Variants in SRRM3 observed in about 807,000 individuals in gnomAD.
SRRM3 encodes serine/arginine repetitive matrix 3.
In SRRM3, 27 loss-of-function variants were observed where a neutral mutation model predicts 66.2. The ratio of observed to expected loss-of-function variants is 0.41; its 90% CI spans 0.30 to 0.56. The LOEUF (loss-of-function observed/expected upper bound fraction) is 0.56. Ranked by LOEUF, SRRM3 falls within the 20% of genes least tolerant of loss-of-function variation. The pLI is 0.32. For missense variants in SRRM3, 918 were observed against 991.9 expected (o/e 0.93, Z 1.00); for synonymous variants, 391 against 414.9 (o/e 0.94, Z 0.70).
intron 2 of SRRM3, among the ~76,000 whole-genome samples, chr7:76,236,326 AAAAG>A (rs1356004313): frequency 2.7e-5 from 4 of 148,080 alleles, no homozygotes; most frequent in Admixed American, 6.7e-5. Context: ...AAAAAAAAAG[AAAAG>A]AAAGAAAGAA....
In SRRM3 at chr7:76,267,354, G is replaced by T; in HGVS notation, c.927G>T (p.Gly309=). ...CCCCGTCGGGCGGCAGCGGATGGGGGTCGCCCCAGCGGAACGGCGGCAGCG... is the reference window on the plus strand; with the variant it reads ...CCCCGTCGGGCGGCAGCGGATGGGGTTCGCCCCAGCGGAACGGCGGCAGCG... ...SPSPSGGSGW[G]SPQRNGGSGQ... is the part of the protein sequence containing the mutation. The change falls in exon 11 of 15, where the codon GGG becomes GGT. Residue 309 remains glycine, a synonymous_variant. Coordinates refer to ENST00000611745, the MANE Select transcript of SRRM3 (RefSeq NM_001110199.3). 2 of 1,506,026 alleles carry T rather than the reference G, an allele frequency of 1.3e-6. No homozygotes were observed. The highest frequency in any genetic ancestry group is 2.5e-5 in the South Asian group (2 of 79,250). The allele number at this position is 1,506,026 out of a possible 1,614,324, so 93.3% of individuals were successfully genotyped here.
intron 3 of SRRM3, among the ~76,000 whole-genome samples, chr7:76,250,480 C>T (rs1027936681): frequency 6.6e-6 from 1 of 152,118 alleles, no homozygotes; most frequent in African/African-American, 2.4e-5. Flanking sequence ...GTGACCCACC[C>T]GCCTCGGCCT....
rs1392042079 is a variant in SRRM3, at chr7:76,282,730, G to A, written c.1453G>A (p.Gly485Arg). 1.4e-6 allele frequency: 2 copies of A among 1,453,852 alleles called. No homozygotes were observed. The highest frequency in any genetic ancestry group is 6.2e-5 in the East Asian group (2 of 32,470). The allele number at this position is 1,453,852 out of a possible 1,614,324, so 90.1% of individuals were successfully genotyped here. The change falls in exon 13 of 15, where the codon GGG (glycine) becomes AGG (arginine). Residue 485 changes from glycine to arginine, a missense_variant. By Grantham distance (125) the Gly-to-Arg change is moderately radical. Coordinates refer to ENST00000611745, the MANE Select transcript of SRRM3 (RefSeq NM_001110199.3). ...GAHGRRGGPE[G>R]KSSSRSPGPH... ...GCACGGCCGGCGCGGCGGCCCAGAAGGGAAGAGCTCGTCGCGCAGCCCCGG... is the reference window on the plus strand; with the variant it reads ...GCACGGCCGGCGCGGCGGCCCAGAAAGGAAGAGCTCGTCGCGCAGCCCCGG...
intron 6 of SRRM3, 71 bp downstream of exon 6, chr7:76,260,974 C>T: frequency 1.3e-6 from 2 of 1,491,102 alleles, no homozygotes; most frequent in Non-Finnish European, 1.8e-6. Flanking sequence ...CCAAGGCCAT[C>T]CCCCAGAGGC....
chr7:76,233,086 T>C (rs781923942), intron 1 of SRRM3, among the ~76,000 whole-genome samples: 16 of 152,078 alleles, frequency 1.1e-4, no homozygotes, highest in Non-Finnish European at 2.1e-4. Context: ...AAGGATTGTT[T>C]GAAGCCAGGA....
rs115771619 is a variant in SRRM3 at position 76,237,953 on chromosome 7, G to A, written c.233+2654G>A. Among the ~76,000 whole-genome samples, 622 of 152,066 alleles carry A rather than the reference G, an allele frequency of 4.1e-3. 3 individuals carry two copies. The highest frequency in any genetic ancestry group is 0.014 in the African/African-American group (591 of 41,478). On this transcript the variant is annotated intron_variant, in intron 2 of 14. Transcript: ENST00000611745. ...CAGCATCAAGGATCCTTGCTTCCCT[G>A]GGAAGCACCCACTATGTCCCCACTT... is the stretch of plus-strand genomic sequence containing the variant.
intron 1 of SRRM3, among the ~76,000 whole-genome samples, chr7:76,230,301 C>G (rs555149113): frequency 6.6e-6 from 1 of 152,068 alleles, no homozygotes; most frequent in East Asian, 1.9e-4. Flanking sequence ...AATCAATCAA[C>G]CAATTACAAC....
chr7:76,265,851 TATATA>T (rs1356544795), intron 10 of SRRM3, among the ~76,000 whole-genome samples: 527 of 12,984 alleles, frequency 0.041, 37 homozygotes, highest in Non-Finnish European at 0.045. Flanking sequence ...TATATATATA[TATATA>T]TATTTTTTTT....
At position 76,267,282 on chromosome 7, in the gene SRRM3, A is replaced by T; in HGVS notation, c.855A>T (p.Glu285Asp). 1 of 1,555,222 alleles carries T rather than the reference A, an allele frequency of 6.4e-7. No homozygotes were observed. The highest frequency in any genetic ancestry group is 8.6e-7 in the Non-Finnish European group (1 of 1,156,762). ...PSRLSPKHRD[E>D]GRKTGSQRSS... ...GGCTGAGCCCCAAGCACCGAGACGA[A>T]GGGCGAAAGACGGGCAGCCAGCGGT... Residue 285 changes from glutamate to aspartate, a missense_variant, in exon 11 of 15, where the codon GAA becomes GAT. Transcript: ENST00000611745.
intron 8 of SRRM3, among the ~76,000 whole-genome samples, chr7:76,262,653 T>C (rs782092223): frequency 1.3e-5 from 2 of 151,626 alleles, no homozygotes; most frequent in Non-Finnish European, 2.9e-5. Context: ...CAGTCTCTAC[T>C]GAAAATACAA....
chr7:76,213,618 G>A (rs1800489666), intron 1 of SRRM3, among the ~76,000 whole-genome samples: 1 of 152,164 alleles, frequency 6.6e-6, no homozygotes, highest in Non-Finnish European at 1.5e-5. Flanking sequence ...GGAGGTACTC[G>A]GTTTCCTCAT....
chr7:76,259,958 G>A lies in SRRM3; in HGVS notation c.388G>A (p.Ala130Thr), dbSNP rs1554608294. The change falls in exon 4 of 15, where the codon GCG (alanine) becomes ACG (threonine). Residue 130 changes from alanine to threonine, a missense_variant. By Grantham distance (58) the Ala-to-Thr change is moderately conservative. Transcript: ENST00000611745. ...TEGAEPGLEY[A>T]PFDDDDGPVD... ...GGGCGCTGAGCCGGGCCTGGAGTAC[G>A]CGCCCTTTGACGATGACGACGGCCC... 8 of 1,601,630 alleles carry A rather than the reference G, an allele frequency of 5.0e-6. No individual in the cohort carries two copies. Among genetic ancestry groups the A allele is most frequent in the Non-Finnish European group, 5.9e-6 (7 of 1,179,372 alleles).
At chr7:76,277,746 G>GAAAAAAAGAAAAAAGAAAA (rs59619771) in intron 11 of SRRM3, among the ~76,000 whole-genome samples, 1 of 106,770 alleles carries the variant, frequency 9.4e-6, no homozygotes, top group African/African-American at 3.7e-5. Flanking sequence ...GAGAGAGAGA[G>GAAAAAAAGAAAAAAGAAAA]AAAGAAAGAA....
intron 11 of SRRM3, among the ~76,000 whole-genome samples, chr7:76,274,319 G>A (rs1224716526): frequency 1.3e-5 from 2 of 152,214 alleles, no homozygotes; most frequent in African/African-American, 4.8e-5. Context: ...GGGAGCTGCA[G>A]GGCTCTGGAG....
intron 11 of SRRM3, chr7:76,273,232 C>T (rs1272997552): frequency 6.6e-6 from 1 of 152,316 alleles, no homozygotes; most frequent in East Asian, 1.9e-4. Context: ...CTTTCCATCC[C>T]TCTCCCCCGG....
At chr7:76,205,240 C>T (rs1800266188) in intron 1 of SRRM3, among the ~76,000 whole-genome samples, 1 of 152,156 alleles carries the variant, frequency 6.6e-6, no homozygotes, top group Non-Finnish European at 1.5e-5. Context: ...GACAGAGTCT[C>T]TCTCTGTCAC....
intron 12 of SRRM3, 109 bp downstream of exon 12, chr7:76,281,911 C>A: frequency 1.1e-6 from 1 of 910,580 alleles, no homozygotes; most frequent in Non-Finnish European, 1.4e-6. Flanking sequence ...AGCTACCCTC[C>A]AGGGATCCCA....
rs1554611950 is a variant in SRRM3 at position 76,281,788 on chromosome 7, C to G, written c.1356C>G (p.Gly452=). Reference sequence around the variant, plus strand: ...AGCCCGGCTCTGAGCGAGGCCACGGCGGACACGGGAAACGGTGAGCGTGCT... The same window carrying G: ...AGCCCGGCTCTGAGCGAGGCCACGGGGGACACGGGAAACGGTGAGCGTGCT... ...GPEPGSERGH[G]GHGKRAKERP... The change falls in exon 12 of 15, where the codon GGC becomes GGG. Residue 452 remains glycine, a synonymous_variant. Coordinates refer to ENST00000611745, the MANE Select transcript of SRRM3 (RefSeq NM_001110199.3). 1 of 1,384,404 alleles carries G rather than the reference C, an allele frequency of 7.2e-7. No homozygotes were observed. The highest frequency in any genetic ancestry group is 9.3e-7 in the Non-Finnish European group (1 of 1,069,628). The allele number at this position is 1,384,404 out of a possible 1,614,324, so 85.8% of individuals were successfully genotyped here. A position where few individuals can be genotyped will look rare whatever the true frequency, so the allele number is the denominator to read the frequency against.
intron 11 of SRRM3, among the ~76,000 whole-genome samples, chr7:76,280,719 C>A (rs541581053): frequency 1.3e-5 from 2 of 151,862 alleles, no homozygotes; most frequent in African/African-American, 2.4e-5. Flanking sequence ...GGACTGGCAG[C>A]CCCCGGCTCG....
Sources: gnomAD v4.1 joint callset for allele counts (sites outside exome capture counted in the v4.1 genomes callset) on GRCh38, gnomAD v4.1.1 for gene constraint, MANE v1.5 for transcripts, NCBI Gene and HGNC (gene_info 2026-07-23, HGNC 2026-07-21) for gene names.